The following EDIL3 variants were observed in gnomAD, a reference collection of about 807,000 sequenced individuals.
EDIL3 encodes EGF-like repeat and discoidin I-like domain-containing protein 3.
In EDIL3, 37 loss-of-function variants were observed where a neutral mutation model predicts 67.4. That is an observed-to-expected ratio of 0.55 (90% CI 0.42 to 0.72). The LOEUF is 0.72. Ranked by LOEUF, EDIL3 falls within the 30% of genes least tolerant of loss-of-function variation. The pLI, the probability that EDIL3 is intolerant of heterozygous loss-of-function variation, is 0.00. For missense variants in EDIL3, 527 were observed against 586.3 expected, an observed-to-expected ratio of 0.90 and a Z score of 1.04; for synonymous variants, 195 against 196.3, an observed-to-expected ratio of 0.99 and a Z score of 0.05.
intron 1 of EDIL3, among the ~76,000 whole-genome samples, chr5:84,337,835 T>A (rs552005606): frequency 2.0e-5 from 3 of 152,222 alleles, no homozygotes; most frequent in Admixed American, 6.5e-5. Flanking sequence ...GAATAAGAAA[T>A]CATAATCATA....
At chr5:84,107,415 T>C (rs1747484133) in intron 5 of EDIL3, among the ~76,000 whole-genome samples, 3 of 151,784 alleles carry the variant, frequency 2.0e-5, no homozygotes, top group South Asian at 2.1e-4. Context: ...TGATATATTA[T>C]AAATTATAAA....
chr5:84,159,533 C>T (rs1748566782), intron 4 of EDIL3, among the ~76,000 whole-genome samples: 1 of 151,886 alleles, frequency 6.6e-6, no homozygotes, highest in Non-Finnish European at 1.5e-5. Flanking sequence ...CCTTTCTAGC[C>T]ATAGTCTCAA....
intron 5 of EDIL3, among the ~76,000 whole-genome samples, chr5:84,117,644 T>C (rs560835118): frequency 8.0e-5 from 12 of 150,774 alleles, no homozygotes; most frequent in African/African-American, 2.7e-4. Context: ...TATGAAGTAG[T>C]AAATTTTGAA....
At chr5:83,978,020 A>C (rs1230783892) in intron 9 of EDIL3, among the ~76,000 whole-genome samples, 1 of 151,950 alleles carries the variant, frequency 6.6e-6, no homozygotes, top group African/African-American at 2.4e-5. Context: ...AAGACTTTAT[A>C]TAAAACAATA....
intron 3 of EDIL3, among the ~76,000 whole-genome samples, chr5:84,219,525 C>T (rs557639579): frequency 7.2e-5 from 11 of 152,200 alleles, no homozygotes; most frequent in Non-Finnish European, 1.6e-4. Context: ...ATGTATTTAT[C>T]AGTACAACCA....
At chr5:84,141,397 G>A (rs1405063278) in intron 4 of EDIL3, among the ~76,000 whole-genome samples, 4 of 147,442 alleles carry the variant, frequency 2.7e-5, no homozygotes, top group Non-Finnish European at 6.0e-5. Context: ...TGAGTTTCCA[G>A]GTATAAACTC....
chr5:84,357,539 C>G (rs991031922), intron 1 of EDIL3, among the ~76,000 whole-genome samples: 1 of 152,096 alleles, frequency 6.6e-6, no homozygotes, highest in Non-Finnish European at 1.5e-5. Flanking sequence ...CCCTGCACCC[C>G]CTTTCCATAT....
At chr5:84,188,091 A>G (rs1055958206) in intron 3 of EDIL3, among the ~76,000 whole-genome samples, 2 of 151,912 alleles carry the variant, frequency 1.3e-5, no homozygotes, top group African/African-American at 4.8e-5. Context: ...CCCCCCCTTA[A>G]AACCTGTTGA....
chr5:84,012,630 T>C (rs1016050583), intron 9 of EDIL3, among the ~76,000 whole-genome samples: 1 of 152,178 alleles, frequency 6.6e-6, no homozygotes, highest in African/African-American at 2.4e-5. Context: ...TGTATTTTAG[T>C]AAATTACTCA....
At chr5:83,976,917 T>A (rs1257612292) in intron 9 of EDIL3, among the ~76,000 whole-genome samples, 1 of 151,880 alleles carries the variant, frequency 6.6e-6, no homozygotes, top group East Asian at 1.9e-4. Flanking sequence ...TGTTTGTTTA[T>A]AAAGTTACTT....
At chr5:84,340,532 C>CTCTCTG in intron 1 of EDIL3, among the ~76,000 whole-genome samples, 1 of 66,602 alleles carries the variant, frequency 1.5e-5, no homozygotes, top group South Asian at 6.0e-4. Flanking sequence ...CTCTCTCTCT[C>CTCTCTG]TCTATATATA....
At chr5:84,015,651 A>T (rs896092620) in intron 9 of EDIL3, among the ~76,000 whole-genome samples, 1 of 151,638 alleles carries the variant, frequency 6.6e-6, no homozygotes, top group Non-Finnish European at 1.5e-5. Context: ...AGATATAACA[A>T]GAGTGTGTTA....
chr5:84,281,235 A>T (rs1745694220), intron 1 of EDIL3, among the ~76,000 whole-genome samples: 1 of 152,132 alleles, frequency 6.6e-6, no homozygotes, highest in South Asian at 2.1e-4. Context: ...TCAAAACATG[A>T]CTTTCATAAT....
At chr5:84,014,145 A>C (rs1375226131) in intron 9 of EDIL3, among the ~76,000 whole-genome samples, 2 of 152,192 alleles carry the variant, frequency 1.3e-5, no homozygotes, top group Non-Finnish European at 2.9e-5. Flanking sequence ...AGGATTTTTC[A>C]ATACATTATA....
chr5:84,282,326 A>G (rs770067892), intron 1 of EDIL3, among the ~76,000 whole-genome samples: 6 of 152,152 alleles, frequency 3.9e-5, no homozygotes, highest in African/African-American at 7.2e-5. Context: ...TTTTAAAACA[A>G]TCTAGAGGTC....
At chr5:84,097,726 AAC>A (rs1747289758) in intron 6 of EDIL3, among the ~76,000 whole-genome samples, 1 of 152,126 alleles carries the variant, frequency 6.6e-6, no homozygotes, top group Non-Finnish European at 1.5e-5. Context: ...ATTCTAGAAA[AAC>A]ACACATAAAC....
rs375508661 is a variant in EDIL3 at position 84,166,829 on chromosome 5, A to G, written c.355+13564T>C. Among the ~76,000 whole-genome samples the G allele has an allele frequency of 5.9e-5, 9 of 152,244 alleles. No homozygotes were observed. The Middle Eastern group carries it at 0.01, about 173-fold the overall frequency. On this transcript the variant is annotated intron_variant, in intron 4 of 10. Transcript: ENST00000296591. ...AAGGGAGCAAGAATCATGGTTATCTAGCAAAGAGGAGGCCAGGTAAATGAT... is the reference window on the plus strand; with the variant it reads ...AAGGGAGCAAGAATCATGGTTATCTGGCAAAGAGGAGGCCAGGTAAATGAT...
At chr5:84,117,205 T>C (rs947456123) in intron 5 of EDIL3, among the ~76,000 whole-genome samples, 4 of 151,832 alleles carry the variant, frequency 2.6e-5, no homozygotes, top group Non-Finnish European at 5.9e-5. Flanking sequence ...TTTTTTTTTG[T>C]ATTTTTAGTA....
chr5:84,294,777 CATT>C (rs1037001698), intron 1 of EDIL3, among the ~76,000 whole-genome samples: 1 of 152,148 alleles, frequency 6.6e-6, no homozygotes, highest in African/African-American at 2.4e-5. Context: ...TGTGGTAACA[CATT>C]ATGTGCATTA....
Sources: allele counts gnomAD v4.1 joint callset (sites outside exome capture counted in the v4.1 genomes callset), GRCh38; gene constraint gnomAD v4.1.1; transcripts MANE v1.5; gene names NCBI Gene and HGNC (gene_info 2026-07-23, HGNC 2026-07-21).